The following TUBGCP6 variants were observed in gnomAD, a reference collection of about 807,000 sequenced individuals.
TUBGCP6 encodes the protein tubulin gamma complex component 6, also known as gamma-tubulin complex component 6.
TUBGCP6 carries 161 observed loss-of-function variants against 175.8 expected under a neutral mutation model. The ratio of observed to expected loss-of-function variants is 0.92; its 90% CI spans 0.81 to 1.04. The LOEUF is 1.04. TUBGCP6 is among the 50% of genes least tolerant of loss of function. The pLI, the probability that TUBGCP6 is intolerant of heterozygous loss-of-function variation, is 0.00. For missense variants in TUBGCP6, 2,572 were observed against 2,433.0 expected (o/e 1.06, Z -1.20); for synonymous variants, 1,173 against 1,030.5 (o/e 1.14, Z -2.65).
At chr22:50,237,012 AC>A (rs993764641) in intron 2 of TUBGCP6, among the ~76,000 whole-genome samples, 20 of 151,582 alleles carry the variant, frequency 1.3e-4, no homozygotes, top group Non-Finnish European at 2.5e-4. Flanking sequence ...TGGAGTGAAC[AC>A]CCCCCGCCCC....
chr22:50,227,159 G>GT (rs2064624690), intron 5 of TUBGCP6, 82 bp from the exon 6 acceptor site: 1 of 1,261,320 alleles, frequency 7.9e-7, no homozygotes, highest in Non-Finnish European at 1.1e-6. Context: ...AAGTCTCCAC[G>GT]TATCTTTATG....
intron 3 of TUBGCP6, among the ~76,000 whole-genome samples, chr22:50,231,225 G>GTTC (rs769881319): frequency 6.6e-6 from 1 of 150,996 alleles, no homozygotes; most frequent in Non-Finnish European, 1.5e-5. Context: ...GGCCAAGGTG[G>GTTC]GTGAAATCAC....
At chr22:50,225,051 G>GCACCCCCCCCC (rs2064584585) in intron 10 of TUBGCP6, among the ~76,000 whole-genome samples, 1 of 128,548 alleles carries the variant, frequency 7.8e-6, no homozygotes. Context: ...GCAGGACACC[G>GCACCCCCCCCC]CCCCCCCGCC....
intron 13 of TUBGCP6, 97 bp downstream of exon 13, chr22:50,224,044 T>TAACC: frequency 8.8e-7 from 1 of 1,140,542 alleles, no homozygotes; most frequent in Non-Finnish European, 1.3e-6. Context: ...GTTTGAAGGT[T>TAACC]TTCAAAACAA....
intron 2 of TUBGCP6, among the ~76,000 whole-genome samples, chr22:50,234,976 G>C (rs898229252): frequency 9.3e-5 from 11 of 117,790 alleles, no homozygotes; most frequent in South Asian, 8.8e-4. Flanking sequence ...TCCACACCCA[G>C]GTCCACCGCA....
chr22:50,238,384 T>C (rs2064801776), intron 2 of TUBGCP6, among the ~76,000 whole-genome samples: 1 of 147,116 alleles, frequency 6.8e-6, no homozygotes, highest in East Asian at 2.0e-4. Context: ...GAGGCGGAGG[T>C]TGCAGTGAGC....
At chr22:50,236,571 C>T (rs1311163762) in intron 2 of TUBGCP6, among the ~76,000 whole-genome samples, 1 of 152,192 alleles carries the variant, frequency 6.6e-6, no homozygotes, top group South Asian at 2.1e-4. Flanking sequence ...TACACACACT[C>T]ACACCCCCGT....
In TUBGCP6 at chr22:50,244,139, C is replaced by G; in HGVS notation, c.321G>C (p.Val107=). 6.2e-7 allele frequency: 1 copy of G among 1,613,536 alleles called. No individual in the cohort carries two copies. Among genetic ancestry groups the G allele is most frequent in the African/African-American group, 1.3e-5 (1 of 75,056 alleles). Residue 107 remains valine, a synonymous_variant, in exon 1 of 25, where the codon GTG becomes GTC. Transcript: ENST00000248846. ...EAAPCCPLLE[V]GSVLDLLVQL... is the part of the protein sequence containing the mutation. Reference sequence around the variant, plus strand: ...GAACCAGGAGGTCCAAAACAGACCCCACCTCCAAAAGCGGACAGCAAGGGG... The same window carrying G: ...GAACCAGGAGGTCCAAAACAGACCCGACCTCCAAAAGCGGACAGCAAGGGG...
intron 3 of TUBGCP6, among the ~76,000 whole-genome samples, chr22:50,232,183 T>C (rs969825152): frequency 3.3e-5 from 5 of 151,524 alleles, no homozygotes; most frequent in Non-Finnish European, 7.4e-5. Context: ...CTGAGCAACA[T>C]GGTGAAACCC....
chr22:50,233,620 G>A, intron 2 of TUBGCP6, 94 bp from the exon 3 acceptor site: 2 of 1,184,118 alleles, frequency 1.7e-6, no homozygotes. Flanking sequence ...ATGAACAGAA[G>A]AATGGAAGTG....
chr22:50,233,564 G>C (rs2064721949), intron 2 of TUBGCP6, 38 bp from the exon 3 acceptor site: 2 of 1,555,272 alleles, frequency 1.3e-6, no homozygotes, highest in Non-Finnish European at 1.7e-6. Context: ...GAGCAGACGT[G>C]GTGACCTGCA....
At chr22:50,222,410 C>T (rs1330710980) in intron 14 of TUBGCP6, 44 bp downstream of exon 14, 1 of 1,609,354 alleles carries the variant, frequency 6.2e-7, no homozygotes, top group Non-Finnish European at 8.5e-7. Context: ...TTCCAGACCC[C>T]CAAAGCCCAG....
intron 5 of TUBGCP6, among the ~76,000 whole-genome samples, chr22:50,227,360 C>T (rs1277501801): frequency 1.3e-5 from 2 of 152,092 alleles, no homozygotes; most frequent in Non-Finnish European, 2.9e-5. Flanking sequence ...TCACCCTGAT[C>T]CTCCCACTTC....
chr22:50,239,528 C>T (rs1388375606), intron 2 of TUBGCP6, among the ~76,000 whole-genome samples: 1 of 152,186 alleles, frequency 6.6e-6, no homozygotes, highest in Admixed American at 6.5e-5. Flanking sequence ...GATACCACCA[C>T]ATTAAAGACT....
Position 50,222,543 on chromosome 22 carries a change from G to C in TUBGCP6, c.2320C>G (p.Arg774Gly), listed in dbSNP as rs144692967. The change falls in exon 14 of 25, where the codon CGG becomes GGG. Residue 774 changes from arginine to glycine, a missense_variant. Transcript: ENST00000248846. ...ATTCTCCACAGTGCCTTCTGCTCCCGACGAGCTGCCTCTGCAGAGAGCTTG... is the reference window on the plus strand; with the variant it reads ...ATTCTCCACAGTGCCTTCTGCTCCCCACGAGCTGCCTCTGCAGAGAGCTTG... The part of the protein sequence containing the change: ...YSKLSAEAAR[R>G]EQKALWRIQR... The C allele has an allele frequency of 6.2e-7, 1 of 1,613,392 alleles. No homozygotes were observed. Among genetic ancestry groups the C allele is most frequent in the Non-Finnish European group, 8.5e-7 (1 of 1,180,026 alleles).
chr22:50,220,246 C>A lies in TUBGCP6; in HGVS notation c.4108+5G>T, dbSNP rs748953779. The stretch of plus-strand genomic sequence containing the variant: ...ACTCCTGACCACCAGCCACCCTACT[C>A]TGACCTAGTTCTTCAGAGACACTGT... On this transcript the variant is annotated splice_donor_5th_base_variant and intron_variant, in intron 16 of 24. Coordinates refer to ENST00000248846, the MANE Select transcript of TUBGCP6 (RefSeq NM_020461.4). 7.1e-6 allele frequency: 11 copies of A among 1,550,800 alleles called. No homozygotes were observed. The highest frequency in any genetic ancestry group is 9.6e-6 in the Non-Finnish European group (11 of 1,144,830).
intron 3 of TUBGCP6, among the ~76,000 whole-genome samples, chr22:50,231,803 T>A (rs553472943): frequency 1.6e-3 from 227 of 138,448 alleles, no homozygotes; most frequent in African/African-American, 5.8e-3. Flanking sequence ...GAGCTTGGAG[T>A]GAGCCGAGAT....
At chr22:50,222,644 C>T (rs367567886) in intron 13 of TUBGCP6, 52 bp from the exon 14 acceptor site, 1 of 1,595,590 alleles carries the variant, frequency 6.3e-7, no homozygotes. Flanking sequence ...CCCACCCCAT[C>T]TACCTGGCAC....
rs775659848 is a variant in TUBGCP6 at position 50,218,012 on chromosome 22, G to GGGCCCCCAGGC, written c.5263_5273dup (p.Arg1763LeufsTer33). On this transcript the variant is annotated frameshift_variant, in exon 24 of 25. Transcript: ENST00000248846. LOFTEE classifies it high-confidence loss of function. ...GCTCTGCACCCCGCGGGCCCCCAGG[G>GGGCCCCCAGGC]GGCCCCCAGGCCTGGGAGATGAGCT... The GGGCCCCCAGGC allele has an allele frequency of 8.2e-5, 133 of 1,612,478 alleles. No individual in the cohort carries two copies. The highest frequency in any genetic ancestry group is 1.1e-4 in the Non-Finnish European group (124 of 1,179,596).
Sources: allele counts gnomAD v4.1 joint callset (sites outside exome capture counted in the v4.1 genomes callset), GRCh38; gene constraint gnomAD v4.1.1; transcripts MANE v1.5; gene names NCBI Gene and HGNC (gene_info 2026-07-23, HGNC 2026-07-21).